GNG7: variants seen among roughly 807,000 people sequenced by gnomAD.
GNG7 encodes G protein subunit gamma 7.
Under a neutral mutation model 4.0 loss-of-function variants are expected in GNG7, and 1 was observed. The ratio of observed to expected loss-of-function variants is 0.25; its 90% CI spans 0.09 to 1.18. The LOEUF (loss-of-function observed/expected upper bound fraction) is 1.18. GNG7 is among the 50% of genes most tolerant of loss of function. The pLI is 0.50. For synonymous variants in GNG7, 34 were observed against 36.9 expected (o/e 0.92, Z 0.29); for missense variants, 86 against 91.9 (o/e 0.94, Z 0.26).
intron 2 of GNG7, among the ~76,000 whole-genome samples, chr19:2,576,455 G>A (rs1414322228): frequency 6.6e-6 from 1 of 152,226 alleles, no homozygotes; most frequent in Non-Finnish European, 1.5e-5. Flanking sequence ...CGGGGGACGG[G>A]CACTGCAGCA....
intron 3 of GNG7, among the ~76,000 whole-genome samples, chr19:2,528,311 G>T (rs1377399223): frequency 7.0e-6 from 1 of 142,234 alleles, no homozygotes; most frequent in African/African-American, 2.6e-5. Context: ...AGTGGCTCAC[G>T]CCTGTAATCC....
At chr19:2,599,564 T>A (rs969613044) in intron 2 of GNG7, among the ~76,000 whole-genome samples, 1 of 152,000 alleles carries the variant, frequency 6.6e-6, no homozygotes, top group African/African-American at 2.4e-5. Context: ...TTCATGAAGC[T>A]GTTGAGTTAT....
rs546027652 is a variant in GNG7, at chr19:2,698,736, G to A, written c.-135+3910C>T. The stretch of plus-strand genomic sequence containing the variant: ...CTTCCAGATGGAACTGAAAAAATCC[G>A]AATAACACCTTGAATGAAGAAAGGA... On this transcript the variant is annotated intron_variant, in intron 1 of 4. Coordinates refer to ENST00000382159, the MANE Select transcript of GNG7 (RefSeq NM_052847.3). Among the ~76,000 whole-genome samples the A allele has an allele frequency of 2.6e-5, 4 of 152,118 alleles. No individual in the cohort carries two copies. In the South Asian group the frequency reaches 8.3e-4, roughly 32 times the overall value.
chr19:2,666,460 C>A (rs1983313777), intron 1 of GNG7, among the ~76,000 whole-genome samples: 1 of 152,168 alleles, frequency 6.6e-6, no homozygotes, highest in Non-Finnish European at 1.5e-5. Context: ...TAGGTGTGAG[C>A]CACCATGCCT....
chr19:2,564,047 G>A lies in GNG7; in HGVS notation c.-77-8859C>T, dbSNP rs193221737. On this transcript the variant is annotated intron_variant, in intron 2 of 4. Transcript: ENST00000382159. The stretch of plus-strand genomic sequence containing the variant: ...TAGCCAATGAGAATGGTGTTCGTGT[G>A]TGTAAGGGCAGGCTCCTAAACAGGA... Among the ~76,000 whole-genome samples the A allele has an allele frequency of 3.3e-5, 5 of 152,264 alleles. No homozygotes were observed. The East Asian group carries it at 9.6e-4, about 29-fold the overall frequency.
chr19:2,568,592 CAT>C (rs200630276), intron 2 of GNG7, among the ~76,000 whole-genome samples: 13 of 143,494 alleles, frequency 9.1e-5, no homozygotes, highest in East Asian at 8.0e-4. Context: ...CAAATACACA[CAT>C]ATATAGACAT....
chr19:2,567,134 A>AAAAAAAC (rs1979940761), intron 2 of GNG7, among the ~76,000 whole-genome samples: 3 of 68,454 alleles, frequency 4.4e-5, no homozygotes, highest in Non-Finnish European at 2.7e-5. Context: ...AAAAAAAACA[A>AAAAAAAC]AAAAAAAACA....
At chr19:2,696,290 GAGAGAAAGAA>G (rs1395018875) in intron 1 of GNG7, among the ~76,000 whole-genome samples, 1,462 of 126,716 alleles carry the variant, frequency 0.012, 8 homozygotes, top group South Asian at 0.028. Context: ...AAAAGAGAGA[GAGAGAAAGAA>G]AGAAAGAAAG....
intron 2 of GNG7, among the ~76,000 whole-genome samples, chr19:2,601,765 G>A (rs1981205480): frequency 6.6e-6 from 1 of 151,882 alleles, no homozygotes. Context: ...AAATTAGCCG[G>A]GCATGGTGGT....
In GNG7 at chr19:2,698,033, G is replaced by A. The variant is rs566571544; in HGVS notation, c.-135+4613C>T. ...TATAATCCCAGCACTTTGGGAGGTC[G>A]AGGCAGGTGGATCACCAGAGGTCAG... On this transcript the variant is annotated intron_variant, in intron 1 of 4. Coordinates refer to ENST00000382159, the MANE Select transcript of GNG7 (RefSeq NM_052847.3). Among the ~76,000 whole-genome samples the A allele has an allele frequency of 1.3e-3, 197 of 152,062 alleles. 7 individuals are homozygous for A. The South Asian group carries it at 0.036, about 28-fold the overall frequency.
intron 2 of GNG7, among the ~76,000 whole-genome samples, chr19:2,622,271 G>A (rs1487422265): frequency 6.6e-6 from 1 of 152,164 alleles, no homozygotes; most frequent in East Asian, 1.9e-4. Context: ...AGTAGAGACG[G>A]GGTTTCACCA....
intron 4 of GNG7, among the ~76,000 whole-genome samples, chr19:2,518,456 A>G (rs1215398341): frequency 2.0e-5 from 3 of 152,128 alleles, no homozygotes; most frequent in Non-Finnish European, 4.4e-5. Context: ...GAACATTCAG[A>G]CACCTCGTGG....
chr19:2,581,497 C>T (rs1166387116), intron 2 of GNG7, among the ~76,000 whole-genome samples: 1 of 152,040 alleles, frequency 6.6e-6, no homozygotes, highest in Non-Finnish European at 1.5e-5. Flanking sequence ...GGGCCCCCTC[C>T]CTGGTCCCTG....
At chr19:2,534,031 T>G (rs1379186156) in intron 3 of GNG7, among the ~76,000 whole-genome samples, 1 of 152,222 alleles carries the variant, frequency 6.6e-6, no homozygotes, top group Non-Finnish European at 1.5e-5. Flanking sequence ...GGTCACGGGA[T>G]TCCAGTGATA....
chr19:2,621,306 T>C (rs1475713456), intron 2 of GNG7, among the ~76,000 whole-genome samples: 1 of 152,096 alleles, frequency 6.6e-6, no homozygotes, highest in Non-Finnish European at 1.5e-5. Context: ...GGAGGATTGC[T>C]TGAGCCCTAG....
intron 1 of GNG7, among the ~76,000 whole-genome samples, chr19:2,664,421 C>T (rs575960301): frequency 7.9e-5 from 12 of 152,298 alleles, no homozygotes; most frequent in South Asian, 2.1e-4. Flanking sequence ...GGGGGAGTGA[C>T]GTGGCTGCTT....
chr19:2,575,087 TTC>T (rs1491454825), intron 2 of GNG7, among the ~76,000 whole-genome samples: 2 of 122,614 alleles, frequency 1.6e-5, no homozygotes, highest in African/African-American at 9.6e-5. Flanking sequence ...TTTTCTTTCT[TTC>T]TTTTTTTTTT....
intron 2 of GNG7, among the ~76,000 whole-genome samples, chr19:2,561,834 T>A (rs1418906724): frequency 6.6e-6 from 1 of 151,796 alleles, no homozygotes; most frequent in Non-Finnish European, 1.5e-5. Context: ...TGAGCCGAGA[T>A]TGCACCATTG....
At chr19:2,570,658 G>C (rs991246804) in intron 2 of GNG7, among the ~76,000 whole-genome samples, 8 of 152,208 alleles carry the variant, frequency 5.3e-5, no homozygotes, top group African/African-American at 9.7e-5. Context: ...CAGGAGCCAA[G>C]TCTCAGCCAT....
Sources: allele counts gnomAD v4.1 joint callset (sites outside exome capture counted in the v4.1 genomes callset), GRCh38; gene constraint gnomAD v4.1.1; transcripts MANE v1.5; gene names NCBI Gene and HGNC (gene_info 2026-07-23, HGNC 2026-07-21).